The following HSPA14 variants were observed in gnomAD, a reference collection of about 807,000 sequenced individuals.
HSPA14 encodes heat shock protein family A (Hsp70) member 14, also known as heat shock 70 kDa protein 14.
Under a neutral mutation model 65.5 loss-of-function variants are expected in HSPA14, and 37 were observed. That is an observed-to-expected ratio of 0.56 (90% confidence interval 0.43 to 0.74). The LOEUF (loss-of-function observed/expected upper bound fraction) is 0.74, where lower values mean the gene tolerates loss of function less well. Ranked by LOEUF, HSPA14 falls within the 30% of genes least tolerant of loss-of-function variation. HSPA14 has a pLI of 0.00. For missense variants in HSPA14, 564 were observed against 607.6 expected, an observed-to-expected ratio of 0.93 and a Z score of 0.75; for synonymous variants, 203 against 214.2, an observed-to-expected ratio of 0.95 and a Z score of 0.46.
chr10:14,847,116 T>C, intron 3 of HSPA14: 2 of 758,708 alleles, frequency 2.6e-6, no homozygotes, highest in East Asian at 2.6e-4. Flanking sequence ...CGGAGCTATA[T>C]GTGCTTTCTG....
In HSPA14 at chr10:14,845,945, A is replaced by T. The variant is rs1404262767; in HGVS notation, c.222-2664A>T. ...TCCTAGTACCTTCCAGCTCTAAAAA[A>T]ATTTGAAATAGCATAATAAAAGACA... On this transcript the variant is annotated intron_variant, in intron 3 of 13. Coordinates refer to ENST00000378372, the MANE Select transcript of HSPA14 (RefSeq NM_016299.4). The T allele has an allele frequency of 9.5e-6, 8 of 843,244 alleles. No homozygotes were observed. The East Asian group carries it at 7.3e-4, about 77-fold the overall frequency. The allele number at this position is 843,244 out of a possible 1,614,324, so 52.2% of individuals were successfully genotyped here. A position where few individuals can be genotyped will look rare whatever the true frequency, so the allele number is the denominator to read the frequency against.
chr10:14,842,883 G>GTCTTGT lies in HSPA14; in HGVS notation c.221+2727_221+2732dup. ...GCATGTGAAGGAGTTGGGTCCCAGA[G>GTCTTGT]TCTTGTGGCTCTAAACATTTAGCTG... On this transcript the variant is annotated intron_variant, in intron 3 of 13. Transcript: ENST00000378372. The surrounding 1 kb of genome is among the most constrained non-coding windows in gnomAD (Gnocchi z 5.2). The GTCTTGT allele has an allele frequency of 7.3e-7, 1 of 1,378,484 alleles. No individual in the cohort carries two copies. The highest frequency in any genetic ancestry group is 9.8e-7 in the Non-Finnish European group (1 of 1,024,662). The allele number at this position is 1,378,484 out of a possible 1,614,324, so 85.4% of individuals were successfully genotyped here.
At chr10:14,866,603 T>C (rs1832808857) in intron 10 of HSPA14, among the ~76,000 whole-genome samples, 1 of 152,196 alleles carries the variant, frequency 6.6e-6, no homozygotes. Flanking sequence ...AATCAGCTCT[T>C]TTTCCTCAAG....
At chr10:14,860,197 G>T (rs1229208778) in intron 10 of HSPA14, among the ~76,000 whole-genome samples, 2 of 152,000 alleles carry the variant, frequency 1.3e-5, no homozygotes, top group African/African-American at 4.8e-5. Context: ...AAACTCTTTG[G>T]ATTACTGATT....
chr10:14,852,998 C>T (rs1241227627), intron 8 of HSPA14, among the ~76,000 whole-genome samples: 1 of 151,612 alleles, frequency 6.6e-6, no homozygotes, highest in Non-Finnish European at 1.5e-5. Flanking sequence ...AGTCTTGTTA[C>T]TGGATATAAT....
Position 14,839,955 on chromosome 10 carries a change from A to G in HSPA14, c.108A>G (p.Pro36=), listed in dbSNP as rs778599198. ...ATGATGCCGGTGACCGAGTTACTCCAGCTGTTGTTGCTTACTCAGAAAATG... is the reference window on the plus strand; with the variant it reads ...ATGATGCCGGTGACCGAGTTACTCCGGCTGTTGTTGCTTACTCAGAAAATG... The part of the protein sequence containing the change: ...VANDAGDRVT[P]AVVAYSENEE... Residue 36 remains proline, a synonymous_variant, in exon 2 of 14, where the codon CCA becomes CCG. Coordinates refer to ENST00000378372, the MANE Select transcript of HSPA14 (RefSeq NM_016299.4). 2 of 1,612,680 alleles carry G rather than the reference A, an allele frequency of 1.2e-6. No homozygotes were observed. Among genetic ancestry groups the G allele is most frequent in the Non-Finnish European group, 8.5e-7 (1 of 1,179,196 alleles).
At chr10:14,868,001 A>G in intron 12 of HSPA14, 92 bp downstream of exon 12, 3 of 961,404 alleles carry the variant, frequency 3.1e-6, no homozygotes, top group Middle Eastern at 2.3e-4. Flanking sequence ...GTGTATATAT[A>G]TAAAGGACAC....
chr10:14,866,404 G>A (rs1832807427), intron 10 of HSPA14, among the ~76,000 whole-genome samples: 1 of 152,194 alleles, frequency 6.6e-6, no homozygotes, highest in South Asian at 2.1e-4. Context: ...GAAATAGGAA[G>A]TGGCTATTGA....
chr10:14,862,695 C>T (rs547823741), intron 10 of HSPA14, among the ~76,000 whole-genome samples: 2 of 149,664 alleles, frequency 1.3e-5, no homozygotes, highest in Non-Finnish European at 3.0e-5. Context: ...TCTTTTTTGA[C>T]AGGTTCTCAC....
intron 10 of HSPA14, among the ~76,000 whole-genome samples, chr10:14,856,224 C>T (rs1027878539): frequency 5.3e-5 from 8 of 152,166 alleles, no homozygotes; most frequent in African/African-American, 1.2e-4. Flanking sequence ...GTGCCAGGCA[C>T]TTTTTCCAAG....
At chr10:14,839,681 C>G (rs1485920687) in intron 1 of HSPA14, among the ~76,000 whole-genome samples, 1 of 151,972 alleles carries the variant, frequency 6.6e-6, no homozygotes, top group Non-Finnish European at 1.5e-5. Flanking sequence ...ACTTTTGATT[C>G]AATTGTTGAC....
chr10:14,848,462 A>G (rs1834081299), intron 3 of HSPA14, 147 bp from the exon 4 acceptor site: 4 of 549,668 alleles, frequency 7.3e-6, no homozygotes, highest in Non-Finnish European at 1.3e-5. Context: ...GTAATATTTG[A>G]AGACTTTTAG....
intron 12 of HSPA14, among the ~76,000 whole-genome samples, chr10:14,869,801 C>T (rs923987336): frequency 6.6e-6 from 1 of 152,180 alleles, no homozygotes; most frequent in Non-Finnish European, 1.5e-5. Context: ...TTCCTTAGCT[C>T]TTCTCTCACA....
chr10:14,840,220 A>T, intron 3 of HSPA14, 63 bp downstream of exon 3: 1 of 844,404 alleles, frequency 1.2e-6, no homozygotes, highest in Non-Finnish European at 1.7e-6. Flanking sequence ...TTCTAAGCAT[A>T]ATGTGAAAAG....
At chr10:14,849,390 A>C (rs1263941247) in intron 5 of HSPA14, 4 of 500,646 alleles carry the variant, frequency 8.0e-6, no homozygotes, top group Non-Finnish European at 1.6e-5. Flanking sequence ...TTAAATGTAG[A>C]GAACTAACAT....
chr10:14,871,580 G>T lies in HSPA14; in HGVS notation c.1504G>T (p.Ala502Ser). 6.3e-7 allele frequency: 1 copy of T among 1,591,774 alleles called. No individual in the cohort carries two copies. The highest frequency in any genetic ancestry group is 1.1e-5 in the South Asian group (1 of 88,798). ...AGATCAAGAAACTGGAAAATGTGAA[G>T]CAATCTCTATTGAGATAGCATCTTA... ...CTDQETGKCE[A>S]ISIEIAS The change falls in exon 14 of 14, where the codon GCA (alanine) becomes TCA (serine). Residue 502 changes from alanine to serine, a missense_variant. By Grantham distance (99) the Ala-to-Ser change is moderately conservative (BLOSUM62 1). Coordinates refer to ENST00000378372, the MANE Select transcript of HSPA14 (RefSeq NM_016299.4).
intron 7 of HSPA14, among the ~76,000 whole-genome samples, chr10:14,852,027 T>A (rs1834112042): frequency 6.6e-6 from 1 of 152,206 alleles, no homozygotes; most frequent in South Asian, 2.1e-4. Context: ...GCATAGTAAC[T>A]TGCATAAGAT....
intron 10 of HSPA14, among the ~76,000 whole-genome samples, chr10:14,863,362 T>G (rs1490602684): frequency 6.6e-6 from 1 of 152,174 alleles, no homozygotes. Context: ...AAGGAGTGCC[T>G]TAGCTACTTG....
intron 12 of HSPA14, among the ~76,000 whole-genome samples, chr10:14,869,390 G>A (rs546035239): frequency 6.6e-6 from 1 of 151,100 alleles, no homozygotes; most frequent in East Asian, 2.0e-4. Context: ...TCCACCTCCC[G>A]GGTTCAACTG....
Sources: allele counts gnomAD v4.1 joint callset (sites outside exome capture counted in the v4.1 genomes callset), GRCh38; gene constraint gnomAD v4.1.1; non-coding constraint Gnocchi (gnomAD v3.1); transcripts MANE v1.5; gene names NCBI Gene and HGNC (gene_info 2026-07-23, HGNC 2026-07-21).